Variants in STK31 observed in about 807,000 individuals in gnomAD.
STK31 encodes the protein serine/threonine kinase 31, also known as serine/threonine-protein kinase 31.
Under a neutral mutation model 129.7 loss-of-function variants are expected in STK31, and 89 were observed. The ratio of observed to expected loss-of-function variants is 0.69; its 90% confidence interval spans 0.58 to 0.82. The LOEUF (loss-of-function observed/expected upper bound fraction) is 0.82, where lower values mean the gene tolerates loss of function less well. Ranked by LOEUF, STK31 falls within the 40% of genes least tolerant of loss-of-function variation. The pLI, the probability that STK31 is intolerant of heterozygous loss-of-function variation, is 0.00. For missense variants in STK31, 1,187 were observed against 1,176.4 expected, an observed-to-expected ratio of 1.01 and a Z score of -0.13; for synonymous variants, 448 against 395.3, an observed-to-expected ratio of 1.13 and a Z score of -1.58.
At chr7:23,750,230 C>T (rs1452881881) in intron 8 of STK31, among the ~76,000 whole-genome samples, 2 of 152,064 alleles carry the variant, frequency 1.3e-5, no homozygotes, top group Non-Finnish European at 1.5e-5. Flanking sequence ...CTCAGTCGTG[C>T]CCACACCTAG....
At chr7:23,763,862 C>T (rs529639683) in intron 11 of STK31, among the ~76,000 whole-genome samples, 6 of 152,088 alleles carry the variant, frequency 3.9e-5, no homozygotes, top group Non-Finnish European at 8.8e-5. Flanking sequence ...TTAATCTTTT[C>T]TCTTCTAGTC....
At chr7:23,723,086 G>A (rs1388405077) in intron 4 of STK31, 2 of 152,404 alleles carry the variant, frequency 1.3e-5, no homozygotes, top group African/African-American at 4.8e-5. Flanking sequence ...TGTCTGACAA[G>A]CCCCAGTGAG....
In STK31 at chr7:23,736,982, T is replaced by A. The variant is rs758721479; in HGVS notation, c.921T>A (p.Ile307=). 5 of 1,613,878 alleles carry A rather than the reference T, an allele frequency of 3.1e-6. No individual in the cohort carries two copies. Among genetic ancestry groups the A allele is most frequent in the Non-Finnish European group, 4.2e-6 (5 of 1,179,920 alleles). ...LEKIKQDQKL[I]EENEKLKTEK... is the part of the protein sequence containing the mutation. ...AAATTAAGCAGGACCAGAAACTGATTGAAGAAAATGAAAAACTTAAAACAG... is the reference window on the plus strand; with the variant it reads ...AAATTAAGCAGGACCAGAAACTGATAGAAGAAAATGAAAAACTTAAAACAG... The change falls in exon 8 of 24, where the codon ATT becomes ATA. Residue 307 remains isoleucine, a synonymous_variant. Transcript: ENST00000355870.
At chr7:23,762,433 G>C (rs1474652730) in intron 10 of STK31, among the ~76,000 whole-genome samples, 1 of 151,980 alleles carries the variant, frequency 6.6e-6, no homozygotes, top group East Asian at 1.9e-4. Flanking sequence ...GGTTTATCCT[G>C]GTGTTTAAGT....
At position 23,832,478 on chromosome 7, in the gene STK31, G is replaced by C; in HGVS notation, c.*112G>C. On this transcript the variant is annotated 3_prime_UTR_variant, in exon 24 of 24. Transcript: ENST00000355870. Reference sequence around the variant, plus strand: ...GTTGAGTTGTATCTTTAGTATTCAGGTTGTGAAAAATAAAGATGTTTGGCT... The same window carrying C: ...GTTGAGTTGTATCTTTAGTATTCAGCTTGTGAAAAATAAAGATGTTTGGCT... 1 of 778,800 alleles carries C rather than the reference G, an allele frequency of 1.3e-6. No homozygotes were observed. The highest frequency in any genetic ancestry group is 2.1e-6 in the Non-Finnish European group (1 of 483,208). 48.2% of individuals were successfully genotyped at this position (778,800 alleles called of 1,614,324 possible). A position where few individuals can be genotyped will look rare whatever the true frequency, so the allele number is the denominator to read the frequency against.
intron 4 of STK31, among the ~76,000 whole-genome samples, chr7:23,723,604 T>C (rs1457186738): frequency 6.6e-6 from 1 of 152,236 alleles, no homozygotes; most frequent in East Asian, 1.9e-4. Flanking sequence ...AAATGGATTA[T>C]ACTTTGTCAG....
chr7:23,825,036 C>T (rs1006925149), intron 23 of STK31, among the ~76,000 whole-genome samples: 2 of 152,072 alleles, frequency 1.3e-5, no homozygotes, highest in African/African-American at 4.8e-5. Flanking sequence ...CAATGTTCAT[C>T]AAGAATATTG....
chr7:23,721,318 T>C, intron 4 of STK31: 1 of 678,176 alleles, frequency 1.5e-6, no homozygotes, highest in Non-Finnish European at 2.6e-6. Context: ...TATTTGTCTC[T>C]AAAATATGTC....
chr7:23,779,964 A>G (rs532761617), intron 15 of STK31, among the ~76,000 whole-genome samples: 1 of 152,156 alleles, frequency 6.6e-6, no homozygotes, highest in African/African-American at 2.4e-5. Flanking sequence ...GGCACTGGTG[A>G]TGTATGCATC....
intron 4 of STK31, chr7:23,721,437 C>A (rs1786682219): frequency 9.4e-7 from 1 of 1,065,238 alleles, no homozygotes; most frequent in Non-Finnish European, 1.4e-6. Flanking sequence ...TTTTCTTCCT[C>A]TTCTTTGTTA....
chr7:23,796,662 C>A (rs4418236), intron 22 of STK31, among the ~76,000 whole-genome samples: 19,453 of 152,162 alleles, frequency 0.13, 1,223 homozygotes, highest in East Asian at 0.22. Flanking sequence ...TGTGTGCCAT[C>A]CCTTTGTAGT....
chr7:23,752,567 C>T, intron 8 of STK31, 150 bp from the exon 9 acceptor site: 2 of 639,846 alleles, frequency 3.1e-6, no homozygotes, highest in African/African-American at 1.9e-5. Flanking sequence ...TCTCAAACTT[C>T]TGAGCTCAAA....
intron 13 of STK31, among the ~76,000 whole-genome samples, chr7:23,770,314 T>G (rs1331521496): frequency 6.6e-6 from 1 of 152,204 alleles, no homozygotes; most frequent in East Asian, 1.9e-4. Flanking sequence ...TTTCAGTGGT[T>G]AGGCTTCTCA....
intron 22 of STK31, among the ~76,000 whole-genome samples, chr7:23,809,087 G>T (rs575705441): frequency 1.3e-5 from 2 of 151,978 alleles, no homozygotes; most frequent in African/African-American, 4.8e-5. Flanking sequence ...AAGTGGCAAG[G>T]TCCTAGCTAC....
At chr7:23,754,657 A>G (rs570059514) in intron 10 of STK31, among the ~76,000 whole-genome samples, 183 bp downstream of exon 10, 4 of 151,984 alleles carry the variant, frequency 2.6e-5, no homozygotes, top group African/African-American at 7.2e-5. Context: ...TCACCCCCCC[A>G]TTTCCTAACG....
chr7:23,761,650 C>T (rs1328746914), intron 10 of STK31, among the ~76,000 whole-genome samples: 2 of 151,270 alleles, frequency 1.3e-5, no homozygotes, highest in Non-Finnish European at 2.9e-5. Context: ...CCTCATGATC[C>T]GCCTGCCTCG....
intron 7 of STK31, among the ~76,000 whole-genome samples, chr7:23,736,241 A>G (rs1004513744): frequency 4.6e-5 from 7 of 152,194 alleles, no homozygotes; most frequent in Admixed American, 1.3e-4. Flanking sequence ...AGTTCTTCCT[A>G]TGGCTTTAGG....
chr7:23,787,609 T>C (rs1463253328), intron 20 of STK31, among the ~76,000 whole-genome samples: 6 of 152,206 alleles, frequency 3.9e-5, no homozygotes. Flanking sequence ...GGGATCTAGG[T>C]TGCGCACTCC....
At chr7:23,748,650 A>G (rs10950958) in intron 8 of STK31, among the ~76,000 whole-genome samples, 70,860 of 152,014 alleles carry the variant, frequency 0.47, 16,952 homozygotes, top group Admixed American at 0.55. Flanking sequence ...GACCTTAATG[A>G]TGATCCACTT....
Sources: gnomAD v4.1 joint callset for allele counts (sites outside exome capture counted in the v4.1 genomes callset) on GRCh38, gnomAD v4.1.1 for gene constraint, MANE v1.5 for transcripts, NCBI Gene and HGNC (gene_info 2026-07-23, HGNC 2026-07-21) for gene names.